Variants in KCNMA1 observed in about 807,000 individuals in gnomAD.
KCNMA1 encodes the protein potassium calcium-activated channel subfamily M alpha 1, also known as Calcium-activated potassium channel subunit alpha-1.
Under a neutral mutation model 140.0 loss-of-function variants are expected in KCNMA1, and 29 were observed. The observed-to-expected ratio is 0.21, with a 90% CI of 0.15 to 0.28. The LOEUF (loss-of-function observed/expected upper bound fraction) is 0.28, where lower values mean the gene tolerates loss of function less well. Among genes scored for constraint, KCNMA1 ranks in the 10% least tolerant of loss-of-function variants. KCNMA1 has a pLI of 1.00. For synonymous variants in KCNMA1, 612 were observed against 611.9 expected (o/e 1.00, Z 0.00); for missense variants, 880 against 1,602.2 (o/e 0.55, Z 7.70).
chr10:77,332,925 C>G (rs904538067), intron 2 of KCNMA1, among the ~76,000 whole-genome samples: 25 of 152,214 alleles, frequency 1.6e-4, no homozygotes, highest in African/African-American at 5.5e-4. Context: ...AATTAGACAG[C>G]TTTTCTAGTT....
intron 4 of KCNMA1, among the ~76,000 whole-genome samples, chr10:77,183,752 G>A (rs1221851067): frequency 6.6e-6 from 1 of 152,066 alleles, no homozygotes; most frequent in Non-Finnish European, 1.5e-5. Context: ...CTCCCAAAGT[G>A]CTGGGATTAC....
intron 1 of KCNMA1, among the ~76,000 whole-genome samples, chr10:77,603,316 C>G (rs751939581): frequency 5.9e-5 from 9 of 152,134 alleles, no homozygotes; most frequent in African/African-American, 9.7e-5. Flanking sequence ...ATCTCCACCC[C>G]CTCAGCCATG....
At chr10:76,905,736 C>T (rs1343244067) in intron 25 of KCNMA1, among the ~76,000 whole-genome samples, 3 of 152,208 alleles carry the variant, frequency 2.0e-5, no homozygotes, top group Admixed American at 1.3e-4. Context: ...TCATGTTCTT[C>T]AAATCAATTA....
chr10:76,886,873 C>A lies in KCNMA1; in HGVS notation c.*393G>T. ...ACAACAACAAAATCAAAACCCAAAG[C>A]ACCCTGATAATCCTGATAAATCAGA... is the stretch of plus-strand genomic sequence containing the variant. On this transcript the variant is annotated 3_prime_UTR_variant, in exon 28 of 28. Coordinates refer to ENST00000286628, the MANE Select transcript of KCNMA1 (RefSeq NM_001161352.2). 9.2e-7 allele frequency: 1 copy of A among 1,090,848 alleles called. No individual in the cohort carries two copies. Among genetic ancestry groups the A allele is most frequent in the Non-Finnish European group, 1.1e-6 (1 of 892,782 alleles). 67.6% of individuals were successfully genotyped at this position (1,090,848 alleles called of 1,614,324 possible). A position where few individuals can be genotyped will look rare whatever the true frequency, so the allele number is the denominator to read the frequency against.
At chr10:77,449,322 C>T (rs2097583656) in intron 1 of KCNMA1, among the ~76,000 whole-genome samples, 3 of 152,056 alleles carry the variant, frequency 2.0e-5, no homozygotes, top group South Asian at 2.1e-4. Flanking sequence ...TAGGGTGATG[C>T]TATTAAAAAT....
At chr10:77,203,777 T>A (rs1424912826) in intron 3 of KCNMA1, among the ~76,000 whole-genome samples, 1 of 152,142 alleles carries the variant, frequency 6.6e-6, no homozygotes, top group South Asian at 2.1e-4. Flanking sequence ...TGGTTTCAAA[T>A]GGCCCCATAG....
At chr10:76,974,657 T>G in intron 19 of KCNMA1, 1 of 880,384 alleles carries the variant, frequency 1.1e-6, no homozygotes, top group Non-Finnish European at 1.8e-6. Flanking sequence ...ATTTTAACAT[T>G]GAATAGCTTT....
chr10:76,954,686 C>T (rs943409026), intron 20 of KCNMA1, among the ~76,000 whole-genome samples: 2 of 152,162 alleles, frequency 1.3e-5, no homozygotes, highest in African/African-American at 2.4e-5. Flanking sequence ...CCTTCACCTC[C>T]CAACTGCTGC....
chr10:77,308,162 CAG>C (rs1311596904), intron 2 of KCNMA1, among the ~76,000 whole-genome samples: 1 of 152,168 alleles, frequency 6.6e-6, no homozygotes, highest in Non-Finnish European at 1.5e-5. Context: ...GCCAGACCAA[CAG>C]AGAGGAGTGA....
At chr10:76,977,739 A>G (rs771033974) in intron 19 of KCNMA1, 2 of 673,002 alleles carry the variant, frequency 3.0e-6, no homozygotes, top group African/African-American at 1.8e-5. Flanking sequence ...TAGTGACTCT[A>G]CTGTCCCTAC....
chr10:77,192,575 C>G (rs1175617287), intron 3 of KCNMA1, among the ~76,000 whole-genome samples: 1 of 152,128 alleles, frequency 6.6e-6, no homozygotes, highest in African/African-American at 2.4e-5. Flanking sequence ...TCTTTGTTTT[C>G]TCTTCTGTAA....
chr10:77,578,698 G>A (rs1031683913), intron 1 of KCNMA1, among the ~76,000 whole-genome samples: 4 of 152,118 alleles, frequency 2.6e-5, no homozygotes, highest in East Asian at 3.9e-4. Context: ...TGCCTCTCTC[G>A]GGACTCAGAT....
chr10:77,115,933 G>A (rs982674753), intron 6 of KCNMA1, among the ~76,000 whole-genome samples: 6 of 152,192 alleles, frequency 3.9e-5, no homozygotes, highest in Non-Finnish European at 2.9e-5. Flanking sequence ...TCCACAGTCT[G>A]AAATGTGAAC....
rs541204596 is a variant in KCNMA1, at chr10:77,473,225, G to A, written c.379-69202C>T. ...AACCAAAGGCCAGTTGACTTCAACT[G>A]GCCAACTTTCATCTCAACCCAGAAT... On this transcript the variant is annotated intron_variant, in intron 1 of 27. Transcript: ENST00000286628. Among the ~76,000 whole-genome samples, 5 of 152,302 alleles carry A rather than the reference G, an allele frequency of 3.3e-5. No homozygotes were observed. In the South Asian group the frequency reaches 1.0e-3, roughly 32 times the overall value.
At chr10:77,429,384 T>A (rs934897529) in intron 1 of KCNMA1, among the ~76,000 whole-genome samples, 1 of 152,208 alleles carries the variant, frequency 6.6e-6, no homozygotes, top group African/African-American at 2.4e-5. Flanking sequence ...CCAGTAGCTA[T>A]TCTCCTCCAT....
At chr10:77,301,052 C>G (rs2154332170) in intron 2 of KCNMA1, among the ~76,000 whole-genome samples, 1 of 152,346 alleles carries the variant, frequency 6.6e-6, no homozygotes, top group East Asian at 1.9e-4. Context: ...CCACCTCCAT[C>G]TGATGCCTGA....
chr10:77,135,774 C>T (rs1209058486), intron 5 of KCNMA1, among the ~76,000 whole-genome samples: 3 of 152,134 alleles, frequency 2.0e-5, no homozygotes, highest in Non-Finnish European at 4.4e-5. Flanking sequence ...TCATATAAAA[C>T]AGCTGATCTC....
At chr10:77,437,174 G>A (rs2097283083) in intron 1 of KCNMA1, among the ~76,000 whole-genome samples, 1 of 152,148 alleles carries the variant, frequency 6.6e-6, no homozygotes, top group Admixed American at 6.5e-5. Context: ...CTGCCACGGA[G>A]CAGCATTGTG....
intron 1 of KCNMA1, among the ~76,000 whole-genome samples, chr10:77,481,117 C>CA (rs200776955): frequency 0.014 from 1,875 of 132,038 alleles, 32 homozygotes; most frequent in African/African-American, 0.041. Context: ...GACTCCATCT[C>CA]AAAAAAAAAA....
Sources: allele counts gnomAD v4.1 joint callset (sites outside exome capture counted in the v4.1 genomes callset), GRCh38; gene constraint gnomAD v4.1.1; transcripts MANE v1.5; gene names NCBI Gene and HGNC (gene_info 2026-07-23, HGNC 2026-07-21).